GPR158: variants seen among roughly 807,000 people sequenced by gnomAD.
The protein encoded by GPR158 is G protein-coupled receptor 158.
A neutral mutation model predicts 78.2 loss-of-function variants in GPR158; 30 were observed. The ratio of observed to expected loss-of-function variants is 0.38; its 90% CI spans 0.29 to 0.52. The LOEUF (loss-of-function observed/expected upper bound fraction) is 0.52, where lower values mean the gene tolerates loss of function less well. Ranked by LOEUF, GPR158 falls within the 20% of genes least tolerant of loss-of-function variation. The probability of loss-of-function intolerance (pLI) is 0.83; values close to 1 mark genes in which losing one functional copy is unlikely to be tolerated. For synonymous variants in GPR158, 581 were observed against 591.1 expected (o/e 0.98, Z 0.25); for missense variants, 1,463 against 1,523.5 (o/e 0.96, Z 0.66).
At chr10:25,230,907 C>G (rs368476694) in intron 2 of GPR158, among the ~76,000 whole-genome samples, 1 of 152,036 alleles carries the variant, frequency 6.6e-6, no homozygotes, top group Non-Finnish European at 1.5e-5. Flanking sequence ...TTGTGGAGCT[C>G]GTTAAAACTG....
At chr10:25,593,310 T>C (rs557694421) in intron 8 of GPR158, among the ~76,000 whole-genome samples, 1 of 152,046 alleles carries the variant, frequency 6.6e-6, no homozygotes, top group Non-Finnish European at 1.5e-5. Flanking sequence ...ATTAATATGG[T>C]AGAATGAAGA....
intron 2 of GPR158, among the ~76,000 whole-genome samples, chr10:25,363,250 A>G (rs1564433261): frequency 1.3e-5 from 2 of 151,874 alleles, no homozygotes; most frequent in Non-Finnish European, 2.9e-5. Flanking sequence ...GTCAAATTGT[A>G]TTTTGTTATC....
At chr10:25,562,345 GATTAA>G (rs375431630) in intron 6 of GPR158, among the ~76,000 whole-genome samples, 14 of 151,974 alleles carry the variant, frequency 9.2e-5, no homozygotes, top group African/African-American at 3.1e-4. Context: ...GCTTGTTTTG[GATTAA>G]ATTTTCTCTT....
intron 2 of GPR158, among the ~76,000 whole-genome samples, chr10:25,247,968 C>A (rs1259606985): frequency 6.6e-6 from 1 of 150,798 alleles, no homozygotes; most frequent in Non-Finnish European, 1.5e-5. Flanking sequence ...CACATCCTCT[C>A]CAGCACCTGT....
intron 1 of GPR158, among the ~76,000 whole-genome samples, chr10:25,190,072 A>G (rs1852753086): frequency 6.6e-6 from 1 of 152,080 alleles, no homozygotes; most frequent in Admixed American, 6.6e-5. Context: ...AAACTGAACT[A>G]TTTTTCCCTA....
intron 2 of GPR158, among the ~76,000 whole-genome samples, chr10:25,333,097 C>A (rs372398601): frequency 4.9e-4 from 74 of 152,092 alleles, no homozygotes; most frequent in African/African-American, 1.8e-3. Flanking sequence ...ACGAGAGAGG[C>A]ACTCAAAGAA....
chr10:25,570,871 G>A (rs1257994687), intron 6 of GPR158, among the ~76,000 whole-genome samples: 7 of 152,108 alleles, frequency 4.6e-5, no homozygotes, highest in Non-Finnish European at 1.0e-4. Flanking sequence ...AGTTAGCTGA[G>A]ATCACGCCAC....
intron 4 of GPR158, among the ~76,000 whole-genome samples, chr10:25,447,700 A>G (rs1835155805): frequency 6.6e-6 from 1 of 152,224 alleles, no homozygotes; most frequent in Non-Finnish European, 1.5e-5. Flanking sequence ...AAGTCTTGCA[A>G]ATTGGTGGCA....
At chr10:25,492,135 G>A (rs1835819189) in intron 5 of GPR158, among the ~76,000 whole-genome samples, 1 of 140,838 alleles carries the variant, frequency 7.1e-6, no homozygotes, top group Non-Finnish European at 1.6e-5. Context: ...GGAAGAAAGA[G>A]AGAGCAAGAA....
chr10:25,329,597 C>CTT (rs568147961), intron 2 of GPR158, among the ~76,000 whole-genome samples: 4 of 144,290 alleles, frequency 2.8e-5, no homozygotes, highest in African/African-American at 5.1e-5. Flanking sequence ...ACTCTTACCT[C>CTT]TTTTTTTTTT....
chr10:25,190,310 T>C (rs1414589685), intron 1 of GPR158, among the ~76,000 whole-genome samples: 1 of 152,110 alleles, frequency 6.6e-6, no homozygotes, highest in Non-Finnish European at 1.5e-5. Flanking sequence ...ATGATTGAAA[T>C]GTTATATTAC....
intron 6 of GPR158, among the ~76,000 whole-genome samples, chr10:25,566,828 A>G (rs1212164285): frequency 6.6e-6 from 1 of 152,204 alleles, no homozygotes; most frequent in Non-Finnish European, 1.5e-5. Context: ...TGAAAATGAA[A>G]CTTTGAGAAA....
chr10:25,200,707 C>G (rs1289652157), intron 1 of GPR158, among the ~76,000 whole-genome samples: 1 of 152,036 alleles, frequency 6.6e-6, no homozygotes, highest in Non-Finnish European at 1.5e-5. Flanking sequence ...TGTTAAAAAT[C>G]TTCTGCATAT....
chr10:25,565,377 T>C (rs1006506931), intron 6 of GPR158, among the ~76,000 whole-genome samples: 5 of 152,124 alleles, frequency 3.3e-5, no homozygotes, highest in African/African-American at 1.2e-4. Context: ...CTGAGATGAA[T>C]GTACAAGGAT....
At chr10:25,304,639 T>G (rs1427121038) in intron 2 of GPR158, among the ~76,000 whole-genome samples, 2 of 152,148 alleles carry the variant, frequency 1.3e-5, no homozygotes, top group Non-Finnish European at 2.9e-5. Context: ...ATCTCATATA[T>G]TTCTACAAAC....
At chr10:25,242,050 A>C (rs1853635451) in intron 2 of GPR158, among the ~76,000 whole-genome samples, 1 of 152,268 alleles carries the variant, frequency 6.6e-6, no homozygotes, top group African/African-American at 2.4e-5. Context: ...TAAACTAAAC[A>C]TGGCAATTTA....
chr10:25,549,787 G>A (rs763099129), intron 5 of GPR158, among the ~76,000 whole-genome samples: 3 of 152,114 alleles, frequency 2.0e-5, no homozygotes, highest in Non-Finnish European at 4.4e-5. Context: ...TCTTGGCACT[G>A]CTAGAGAGAG....
chr10:25,526,109 A>AG (rs1285165414), intron 5 of GPR158, among the ~76,000 whole-genome samples: 1 of 148,740 alleles, frequency 6.7e-6, no homozygotes, highest in African/African-American at 2.5e-5. Flanking sequence ...TGTCTAAAAA[A>AG]AAAAAAAAAA....
At chr10:25,302,274 C>T (rs1314077307) in intron 2 of GPR158, among the ~76,000 whole-genome samples, 2 of 146,160 alleles carry the variant, frequency 1.4e-5, no homozygotes, top group African/African-American at 2.5e-5. Flanking sequence ...TTAGTGGAGA[C>T]GGAGTTTCAC....
Sources: allele counts gnomAD v4.1 joint callset (sites outside exome capture counted in the v4.1 genomes callset), GRCh38; gene constraint gnomAD v4.1.1; transcripts MANE v1.5; gene names NCBI Gene and HGNC (gene_info 2026-07-23, HGNC 2026-07-21).